DLC1: variants seen among roughly 807,000 people sequenced by gnomAD.
DLC1 encodes DLC1 Rho GTPase activating protein.
Under a neutral mutation model 140.3 loss-of-function variants are expected in DLC1, and 54 were observed. The observed-to-expected ratio is 0.38, with a 90% CI of 0.31 to 0.48. The LOEUF is 0.48. Ranked by LOEUF, DLC1 falls within the 20% of genes least tolerant of loss-of-function variation. The probability of loss-of-function intolerance (pLI) is 0.96; values close to 1 mark genes in which losing one functional copy is unlikely to be tolerated. For missense variants in DLC1, 2,536 were observed against 1,907.0 expected (o/e 1.33, Z -6.14); for synonymous variants, 986 against 728.1 (o/e 1.35, Z -5.70).
At chr8:13,232,367 C>G (rs1219297590) in intron 5 of DLC1, among the ~76,000 whole-genome samples, 2 of 151,912 alleles carry the variant, frequency 1.3e-5, no homozygotes, top group Non-Finnish European at 2.9e-5. Context: ...AGAATCTTGC[C>G]CTGTCACCCA....
At chr8:13,427,818 A>T (rs1047125838) in intron 2 of DLC1, among the ~76,000 whole-genome samples, 1 of 152,166 alleles carries the variant, frequency 6.6e-6, no homozygotes. Context: ...GCCTTCTACA[A>T]TTTCTGCCTC....
At chr8:13,365,171 G>T (rs954415959) in intron 4 of DLC1, among the ~76,000 whole-genome samples, 1 of 152,118 alleles carries the variant, frequency 6.6e-6, no homozygotes, top group Non-Finnish European at 1.5e-5. Flanking sequence ...CTTTGCACAG[G>T]TCGAGAGAAT....
At chr8:13,586,502 C>A (rs1223919504) in intron 1 of DLC1, among the ~76,000 whole-genome samples, 1 of 151,286 alleles carries the variant, frequency 6.6e-6, no homozygotes, top group Non-Finnish European at 1.5e-5. Context: ...ATAGTAATTT[C>A]TTTTGGTAGA....
chr8:13,395,763 G>A lies in DLC1; in HGVS notation c.1174-2070C>T, dbSNP rs545078700. ...AATGTATGTGCATGTGTGTGTGTGC[G>A]TGTGCGTGTGTGTAGAAGACATAAC... On this transcript the variant is annotated intron_variant, in intron 3 of 17. Coordinates refer to ENST00000276297, the MANE Select transcript of DLC1 (RefSeq NM_182643.3). Among the ~76,000 whole-genome samples the A allele has an allele frequency of 9.8e-5, 13 of 133,046 alleles. No homozygotes were observed. The East Asian group carries it at 1.2e-3, about 12-fold the overall frequency. The allele number at this position is 133,046 out of a possible 152,430, so 87.3% of individuals were successfully genotyped here.
chr8:13,272,868 C>T (rs911342162), intron 5 of DLC1, among the ~76,000 whole-genome samples: 9 of 152,054 alleles, frequency 5.9e-5, no homozygotes, highest in South Asian at 2.1e-4. Context: ...AGCGAGACTC[C>T]GTCTCAAAAC....
chr8:13,285,828 C>T (rs1835620), intron 5 of DLC1, among the ~76,000 whole-genome samples: 15 of 152,062 alleles, frequency 9.9e-5, no homozygotes, highest in Admixed American at 5.9e-4. Context: ...TTTGTACAAA[C>T]GCCTTTTTCC....
At chr8:13,188,429 AAAAAAAAAAAAAG>A (rs1341801160) in intron 5 of DLC1, among the ~76,000 whole-genome samples, 1 of 149,166 alleles carries the variant, frequency 6.7e-6, no homozygotes, top group Non-Finnish European at 1.5e-5. Context: ...CAAAAAAAAA[AAAAAAAAAAAAAG>A]AAAAGTAATG....
At chr8:13,089,654 A>G (rs79969619) in intron 15 of DLC1, among the ~76,000 whole-genome samples, 1,745 of 152,260 alleles carry the variant, frequency 0.011, 28 homozygotes, top group South Asian at 0.037. Context: ...AAACAAAAAC[A>G]TCAGACATTT....
chr8:13,168,395 A>T, intron 5 of DLC1, among the ~76,000 whole-genome samples: 1 of 152,122 alleles, frequency 6.6e-6, no homozygotes, highest in East Asian at 1.9e-4. Flanking sequence ...TCATATCATC[A>T]TGTGTCTGAA....
intron 5 of DLC1, among the ~76,000 whole-genome samples, chr8:13,247,503 T>C (rs752790484): frequency 3.3e-5 from 5 of 152,186 alleles, no homozygotes; most frequent in Non-Finnish European, 7.3e-5. Flanking sequence ...GAGACAGATG[T>C]ATTCATATCC....
At chr8:13,506,581 G>GTGTGTGTGTGTGTATATA (rs1246764417) in intron 1 of DLC1, among the ~76,000 whole-genome samples, 6 of 131,140 alleles carry the variant, frequency 4.6e-5, no homozygotes, top group African/African-American at 1.9e-4. Context: ...GTGTGTGTGT[G>GTGTGTGTGTGTGTATATA]TATATATATA....
At chr8:13,572,231 A>T (rs965391539) in intron 1 of DLC1, among the ~76,000 whole-genome samples, 1 of 151,892 alleles carries the variant, frequency 6.6e-6, no homozygotes, top group Non-Finnish European at 1.5e-5. Flanking sequence ...CTGGGACTAC[A>T]GGTGCCTGCC....
At chr8:13,238,343 C>G (rs1296352069) in intron 5 of DLC1, among the ~76,000 whole-genome samples, 1 of 152,036 alleles carries the variant, frequency 6.6e-6, no homozygotes, top group African/African-American at 2.4e-5. Context: ...GAAATCCCGT[C>G]TCTACAAATA....
intron 2 of DLC1, among the ~76,000 whole-genome samples, chr8:13,473,727 TGAC>T (rs1463044674): frequency 1.3e-5 from 2 of 152,106 alleles, no homozygotes; most frequent in Non-Finnish European, 2.9e-5. Context: ...GGAACAAAGG[TGAC>T]TCTTGTTATG....
chr8:13,442,318 C>T (rs1427385536), intron 2 of DLC1, among the ~76,000 whole-genome samples: 1 of 152,128 alleles, frequency 6.6e-6, no homozygotes. Context: ...TCTAAAACAC[C>T]AAAAGCAATG....
intron 5 of DLC1, among the ~76,000 whole-genome samples, chr8:13,173,249 G>A (rs1825579642): frequency 6.6e-6 from 1 of 152,112 alleles, no homozygotes; most frequent in Admixed American, 6.5e-5. Context: ...TCTCTTCAGA[G>A]CTCGCGTGGG....
At chr8:13,228,516 G>C (rs1201925935) in intron 5 of DLC1, among the ~76,000 whole-genome samples, 2 of 152,122 alleles carry the variant, frequency 1.3e-5, no homozygotes, top group Non-Finnish European at 2.9e-5. Flanking sequence ...GCTGAGGTGG[G>C]AGGATTGGGA....
intron 4 of DLC1, chr8:13,341,070 G>A (rs1233032125): frequency 6.6e-6 from 1 of 152,120 alleles, no homozygotes; most frequent in Admixed American, 6.6e-5. Flanking sequence ...AGGATTTGAA[G>A]GAAGGATTTA....
intron 9 of DLC1, 116 bp downstream of exon 9, chr8:13,099,231 A>G (rs1392927053): frequency 2.0e-6 from 3 of 1,479,144 alleles, no homozygotes; most frequent in African/African-American, 2.8e-5. Context: ...CTTCCTTAGG[A>G]ATGGACATGG....
Sources: allele counts gnomAD v4.1 joint callset (sites outside exome capture counted in the v4.1 genomes callset), GRCh38; gene constraint gnomAD v4.1.1; transcripts MANE v1.5; gene names NCBI Gene and HGNC (gene_info 2026-07-23, HGNC 2026-07-21).